The following MAN1B1 variants were observed in gnomAD, a reference collection of about 807,000 sequenced individuals.
MAN1B1 encodes mannosidase alpha class 1B member 1.
In MAN1B1, 66 loss-of-function variants were observed where a neutral mutation model predicts 75.5. The observed-to-expected ratio is 0.87, with a 90% CI of 0.72 to 1.07. The LOEUF (loss-of-function observed/expected upper bound fraction) is 1.07, where lower values mean the gene tolerates loss of function less well. Ranked by LOEUF, MAN1B1 falls within the 50% of genes least tolerant of loss-of-function variation. MAN1B1 has a pLI of 0.00. For synonymous variants in MAN1B1, 453 were observed against 382.8 expected, an observed-to-expected ratio of 1.18 and a Z score of -2.14; for missense variants, 973 against 912.5, an observed-to-expected ratio of 1.07 and a Z score of -0.85.
At chr9:137,103,117 T>C (rs1013573323) in intron 8 of MAN1B1, 6 of 342,308 alleles carry the variant, frequency 1.8e-5, no homozygotes, top group Non-Finnish European at 3.4e-5. Context: ...ACACACATGC[T>C]GTTGCAGGCG....
intron 1 of MAN1B1, 127 bp downstream of exon 1, chr9:137,087,345 C>G: frequency 8.8e-7 from 1 of 1,136,640 alleles, no homozygotes; most frequent in Non-Finnish European, 1.2e-6. Flanking sequence ...CCACCCCTTC[C>G]CCGCAAAAAG....
At chr9:137,101,786 T>C (rs1458520808) in intron 8 of MAN1B1, 114 bp downstream of exon 8, 1 of 1,290,322 alleles carries the variant, frequency 7.7e-7, no homozygotes, top group East Asian at 2.5e-5. Flanking sequence ...GGTTTTTTAC[T>C]GTGATAAAAC....
chr9:137,103,497 C>G (rs1331402233), intron 8 of MAN1B1: 1 of 436,802 alleles, frequency 2.3e-6, no homozygotes, highest in African/African-American at 2.1e-5. Flanking sequence ...TACACACATT[C>G]ACGCTATTGC....
At position 137,108,562 on chromosome 9, in the gene MAN1B1, C is replaced by T; in HGVS notation, c.2071C>T (p.His691Tyr). Residue 691 changes from histidine to tyrosine, a missense_variant, in exon 13 of 13, where the codon CAC becomes TAC. Coordinates refer to ENST00000371589, the MANE Select transcript of MAN1B1 (RefSeq NM_016219.5). The part of the protein sequence containing the change: ...LDAYVFNTEA[H>Y]PLPIWTPA The stretch of plus-strand genomic sequence containing the variant: ...TGCCTACGTGTTCAACACCGAAGCC[C>T]ACCCTCTGCCTATCTGGACCCCTGC... 1 of 1,613,908 alleles carries T rather than the reference C, an allele frequency of 6.2e-7. No homozygotes were observed. Among genetic ancestry groups the T allele is most frequent in the Non-Finnish European group, 8.5e-7 (1 of 1,180,016 alleles).
At chr9:137,103,779 C>G (rs1830990058) in intron 8 of MAN1B1, 1 of 446,736 alleles carries the variant, frequency 2.2e-6, no homozygotes, top group Admixed American at 2.4e-5. Flanking sequence ...CACACTGTTG[C>G]AGGTGTGCAG....
rs772671252 is a variant in MAN1B1 at position 137,108,749 on chromosome 9, C to T, written c.*158C>T. 28 of 751,854 alleles carry T rather than the reference C, an allele frequency of 3.7e-5. No individual in the cohort carries two copies. The highest frequency in any genetic ancestry group is 5.2e-5 in the African/African-American group (3 of 58,086). 46.6% of individuals were successfully genotyped at this position (751,854 alleles called of 1,614,324 possible). A position where few individuals can be genotyped will look rare whatever the true frequency, so the allele number is the denominator to read the frequency against. On this transcript the variant is annotated 3_prime_UTR_variant, in exon 13 of 13. Coordinates refer to ENST00000371589, the MANE Select transcript of MAN1B1 (RefSeq NM_016219.5). ...CTCGTCTCTGCTTTAATCAGGACACCGTGAGGACAAGTGAGGCCGTCAGTC... is the reference window on the plus strand; with the variant it reads ...CTCGTCTCTGCTTTAATCAGGACACTGTGAGGACAAGTGAGGCCGTCAGTC...
intron 12 of MAN1B1, 84 bp downstream of exon 12, chr9:137,107,746 C>G: frequency 6.3e-7 from 1 of 1,598,842 alleles, no homozygotes; most frequent in Non-Finnish European, 8.6e-7. Flanking sequence ...TGGCTCCGCT[C>G]TTGGTGGTGG....
In MAN1B1 at chr9:137,108,983, A is replaced by G. The variant is rs911827723; in HGVS notation, c.*392A>G. On this transcript the variant is annotated 3_prime_UTR_variant, in exon 13 of 13. Transcript: ENST00000371589. ...GGCTCGTGAAGCCTCAGATGTCCCC[A>G]ATCCAAGGGTCTGGAGGGGCTGCCG... 1.2e-4 allele frequency: 54 copies of G among 463,520 alleles called. No individual in the cohort carries two copies. Among genetic ancestry groups the G allele is most frequent in the African/African-American group, 1.1e-3 (53 of 50,422 alleles). The allele number at this position is 463,520 out of a possible 1,614,324, so 28.7% of individuals were successfully genotyped here.
In MAN1B1 at chr9:137,103,872, A is replaced by G. The variant is rs201807266; in HGVS notation, c.1254+2200A>G. ...ATTCACACTTGCAGGCGTGCAGGTC[A>G]GTGGTGTTACACACATTCATGCTGT... is the stretch of plus-strand genomic sequence containing the variant. On this transcript the variant is annotated intron_variant, in intron 8 of 12. Coordinates refer to ENST00000371589, the MANE Select transcript of MAN1B1 (RefSeq NM_016219.5). 5.3e-3 allele frequency: 2,260 copies of G among 426,096 alleles called. 21 individuals carry two copies. The highest frequency in any genetic ancestry group is 0.028 in the African/African-American group (1,143 of 41,166). 26.4% of individuals were successfully genotyped at this position (426,096 alleles called of 1,614,324 possible).
At chr9:137,106,341 C>T in intron 9 of MAN1B1, 26 bp downstream of exon 9, 1 of 1,539,206 alleles carries the variant, frequency 6.5e-7, no homozygotes, top group Non-Finnish European at 8.8e-7. Flanking sequence ...CTGCCCCCAG[C>T]TCCCGCGGCT....
rs1382285444 is a variant in MAN1B1 at position 137,098,053 on chromosome 9, C to A, written c.730+116C>A. 4 of 743,388 alleles carry A rather than the reference C, an allele frequency of 5.4e-6. No individual in the cohort carries two copies. The East Asian group carries it at 8.1e-5, about 15-fold the overall frequency. The allele number at this position is 743,388 out of a possible 1,614,324, so 46.0% of individuals were successfully genotyped here. ...CCCCCGCCCTGGTGTGCACCTTGCC[C>A]TTCAGCATCCCCCTGTTGTCTGAGT... On this transcript the variant is annotated intron_variant, in intron 5 of 12. Coordinates refer to ENST00000371589, the MANE Select transcript of MAN1B1 (RefSeq NM_016219.5).
Position 137,108,654 on chromosome 9 carries a change from T to A in MAN1B1, c.*63T>A, listed in dbSNP as rs1239812683. 1 of 1,521,108 alleles carries A rather than the reference T, an allele frequency of 6.6e-7. No homozygotes were observed. The highest frequency in any genetic ancestry group is 9.1e-7 in the Non-Finnish European group (1 of 1,097,256). 94.2% of individuals were successfully genotyped at this position (1,521,108 alleles called of 1,614,324 possible). A position where few individuals can be genotyped will look rare whatever the true frequency, so the allele number is the denominator to read the frequency against. The stretch of plus-strand genomic sequence containing the variant: ...GAGGCACCTTGCTGGGTCTGTGGCA[T>A]TTTCCAAGGGCCCACGTAGCACCGG... On this transcript the variant is annotated 3_prime_UTR_variant, in exon 13 of 13. Transcript: ENST00000371589.
chr9:137,100,642 CAG>C (rs1674704433), intron 6 of MAN1B1, among the ~76,000 whole-genome samples: 1 of 152,130 alleles, frequency 6.6e-6, no homozygotes, highest in Non-Finnish European at 1.5e-5. Flanking sequence ...TTTTTGGAGA[CAG>C]AGTCTAGTGG....
chr9:137,106,041 A>G, intron 8 of MAN1B1, 84 bp from the exon 9 acceptor site: 1 of 1,068,910 alleles, frequency 9.4e-7, no homozygotes, highest in Non-Finnish European at 1.4e-6. Context: ...GGGCGAGGGG[A>G]GGCAGAGCTC....
chr9:137,088,706 A>G (rs1830444506), intron 2 of MAN1B1, 163 bp from the exon 3 acceptor site: 2 of 863,306 alleles, frequency 2.3e-6, no homozygotes, highest in Non-Finnish European at 3.6e-6. Flanking sequence ...GTTTTGAAAA[A>G]GATTTCATTC....
Position 137,108,176 on chromosome 9 carries a change from C to T in MAN1B1, c.1897-212C>T, listed in dbSNP as rs974788760. 4.9e-6 allele frequency: 3 copies of T among 617,462 alleles called. No homozygotes were observed. In the South Asian group the frequency reaches 5.8e-5, roughly 12 times the overall value. The allele number at this position is 617,462 out of a possible 1,614,324, so 38.2% of individuals were successfully genotyped here. A position where few individuals can be genotyped will look rare whatever the true frequency, so the allele number is the denominator to read the frequency against. Reference sequence around the variant, plus strand: ...GCCCAGGTTCTGGGGGAGGCGGTTTCTGTCGTGGTCACTTGAGGGTTGTTG... The same window carrying T: ...GCCCAGGTTCTGGGGGAGGCGGTTTTTGTCGTGGTCACTTGAGGGTTGTTG... On this transcript the variant is annotated intron_variant, in intron 12 of 12. Transcript: ENST00000371589.
chr9:137,103,125 G>C, intron 8 of MAN1B1: 1 of 446,516 alleles, frequency 2.2e-6, no homozygotes, highest in East Asian at 7.2e-5. Flanking sequence ...GCTGTTGCAG[G>C]CGTGCAGGTC....
intron 3 of MAN1B1, among the ~76,000 whole-genome samples, chr9:137,095,703 G>A (rs933088115): frequency 2.6e-5 from 4 of 152,196 alleles, no homozygotes; most frequent in African/African-American, 7.2e-5. Flanking sequence ...TCCTGTTCAC[G>A]TGGGGAAGGG....
intron 6 of MAN1B1, 104 bp from the exon 7 acceptor site, chr9:137,100,901 T>C: frequency 7.5e-7 from 1 of 1,327,110 alleles, no homozygotes; most frequent in South Asian, 1.2e-5. Flanking sequence ...ATTACAGGCA[T>C]GAGCCACCAC....
Sources: gnomAD v4.1 joint callset for allele counts (sites outside exome capture counted in the v4.1 genomes callset) on GRCh38, gnomAD v4.1.1 for gene constraint, MANE v1.5 for transcripts, NCBI Gene and HGNC (gene_info 2026-07-23, HGNC 2026-07-21) for gene names.